Variants in RUNX2 observed in about 807,000 individuals in gnomAD.
RUNX2 encodes the protein RUNX family transcription factor 2.
A neutral mutation model predicts 51.7 loss-of-function variants in RUNX2; 10 were observed. That is an observed-to-expected ratio of 0.19 (90% CI 0.12 to 0.33). The LOEUF is 0.33. RUNX2 is among the 10% of genes least tolerant of loss of function. The pLI, the probability that RUNX2 is intolerant of heterozygous loss-of-function variation, is 1.00. For missense variants in RUNX2, 562 were observed against 691.3 expected (o/e 0.81, Z 2.10); for synonymous variants, 276 against 273.6 (o/e 1.01, Z -0.09).
At chr6:45,469,278 G>A (rs1430508545) in intron 5 of RUNX2, among the ~76,000 whole-genome samples, 2 of 152,222 alleles carry the variant, frequency 1.3e-5, no homozygotes, top group Non-Finnish European at 2.9e-5. Flanking sequence ...CTTGCACATA[G>A]TAGGTGCCCA....
At chr6:45,429,789 A>T (rs947002522) in intron 3 of RUNX2, among the ~76,000 whole-genome samples, 2 of 151,962 alleles carry the variant, frequency 1.3e-5, no homozygotes, top group Non-Finnish European at 2.9e-5. Flanking sequence ...GAGCTCTTTC[A>T]TTTATTTCAA....
At chr6:45,489,348 C>T (rs1030096000) in intron 5 of RUNX2, among the ~76,000 whole-genome samples, 1 of 152,004 alleles carries the variant, frequency 6.6e-6, no homozygotes, top group Non-Finnish European at 1.5e-5. Flanking sequence ...TTTATTTTTG[C>T]CTGCAAACTC....
chr6:45,423,009 C>T, intron 3 of RUNX2, 52 bp downstream of exon 3: 2 of 1,589,670 alleles, frequency 1.3e-6, no homozygotes, highest in Non-Finnish European at 1.7e-6. Flanking sequence ...GGAACCTGCC[C>T]GCCGGTGTCT....
At chr6:45,482,774 A>G (rs1369868913) in intron 5 of RUNX2, among the ~76,000 whole-genome samples, 1 of 152,164 alleles carries the variant, frequency 6.6e-6, no homozygotes, top group East Asian at 1.9e-4. Context: ...TGAGTAGATT[A>G]TATTTTTCTT....
chr6:45,444,372 G>C, intron 5 of RUNX2, among the ~76,000 whole-genome samples: 1 of 152,206 alleles, frequency 6.6e-6, no homozygotes. Context: ...CCAGCCACCT[G>C]TCTCAACCTG....
chr6:45,524,644 C>T (rs567060321), intron 7 of RUNX2, among the ~76,000 whole-genome samples: 2 of 151,980 alleles, frequency 1.3e-5, no homozygotes, highest in East Asian at 1.9e-4. Context: ...ACAATAAATC[C>T]GTACATAATT....
At chr6:45,394,130 C>T (rs1003307540) in intron 2 of RUNX2, among the ~76,000 whole-genome samples, 1 of 151,756 alleles carries the variant, frequency 6.6e-6, no homozygotes, top group Non-Finnish European at 1.5e-5. Context: ...TCAGGCTGGT[C>T]GTGATCCGCC....
intron 7 of RUNX2, among the ~76,000 whole-genome samples, chr6:45,521,565 G>C (rs1801509472): frequency 6.6e-6 from 1 of 152,160 alleles, no homozygotes; most frequent in Non-Finnish European, 1.5e-5. Context: ...TCTTTTCTGA[G>C]AAAATGATAG....
chr6:45,425,872 A>G (rs1213707773), intron 3 of RUNX2, among the ~76,000 whole-genome samples: 3 of 150,772 alleles, frequency 2.0e-5, no homozygotes, highest in African/African-American at 7.3e-5. Flanking sequence ...GCAGATAGGT[A>G]AATGGATTTA....
At chr6:45,360,339 T>G (rs1794037576) in intron 2 of RUNX2, among the ~76,000 whole-genome samples, 1 of 152,174 alleles carries the variant, frequency 6.6e-6, no homozygotes, top group African/African-American at 2.4e-5. Flanking sequence ...CACAGCATGT[T>G]CTATACAAGC....
intron 5 of RUNX2, among the ~76,000 whole-genome samples, chr6:45,439,131 G>T (rs560747404): frequency 1.3e-3 from 203 of 152,268 alleles, no homozygotes; most frequent in African/African-American, 4.4e-3. Flanking sequence ...GGTGGGTCCC[G>T]TCCCTTTTGC....
At chr6:45,397,294 A>T (rs1215970493) in intron 2 of RUNX2, among the ~76,000 whole-genome samples, 1 of 151,612 alleles carries the variant, frequency 6.6e-6, no homozygotes, top group South Asian at 2.1e-4. Context: ...TTTTTTTAGT[A>T]GAGATGGGGT....
rs544821170 is a variant in RUNX2 at position 45,390,965 on chromosome 6, A to G, written c.59-31628A>G. Among the ~76,000 whole-genome samples, 4 of 152,258 alleles carry G rather than the reference A, an allele frequency of 2.6e-5. No homozygotes were observed. The South Asian group carries it at 8.3e-4, about 32-fold the overall frequency. On this transcript the variant is annotated intron_variant, in intron 2 of 8. Transcript: ENST00000647337. ...TTTAGACTCTCTTCCCTCTGATCAA[A>G]TCTCTCTCAAATTTTATTTATTTAC... is the stretch of plus-strand genomic sequence containing the variant.
intron 7 of RUNX2, among the ~76,000 whole-genome samples, chr6:45,543,732 T>C (rs2150450503): frequency 6.6e-6 from 1 of 152,178 alleles, no homozygotes; most frequent in East Asian, 1.9e-4. Flanking sequence ...GGATACAATG[T>C]CAAAATAGCC....
intron 5 of RUNX2, among the ~76,000 whole-genome samples, chr6:45,474,382 T>C (rs1231785654): frequency 1.3e-5 from 1 of 75,180 alleles, no homozygotes; most frequent in Non-Finnish European, 3.4e-5. Context: ...TATGTGTGTG[T>C]GTGTGTGTGT....
intron 6 of RUNX2, among the ~76,000 whole-genome samples, chr6:45,494,632 TG>T (rs1800586615): frequency 6.6e-6 from 1 of 152,212 alleles, no homozygotes; most frequent in South Asian, 2.1e-4. Flanking sequence ...TTTCTTTAAA[TG>T]TTCCCATATT....
intron 2 of RUNX2, among the ~76,000 whole-genome samples, chr6:45,388,060 C>T (rs570647892): frequency 1.3e-4 from 20 of 152,126 alleles, no homozygotes; most frequent in Non-Finnish European, 2.2e-4. Context: ...TACAGGCTTT[C>T]GAGAAGAAGC....
chr6:45,498,960 T>C (rs1800724874), intron 6 of RUNX2, among the ~76,000 whole-genome samples: 1 of 152,166 alleles, frequency 6.6e-6, no homozygotes, highest in Non-Finnish European at 1.5e-5. Context: ...CCTGGGGTGA[T>C]GTTGGCTGTG....
chr6:45,492,994 C>A (rs1051287191), intron 6 of RUNX2, among the ~76,000 whole-genome samples: 7 of 152,146 alleles, frequency 4.6e-5, no homozygotes, highest in Non-Finnish European at 1.0e-4. Context: ...AATAAGCCCT[C>A]AACATGGATC....
Sources: allele counts gnomAD v4.1 joint callset (sites outside exome capture counted in the v4.1 genomes callset), GRCh38; gene constraint gnomAD v4.1.1; transcripts MANE v1.5; gene names NCBI Gene and HGNC (gene_info 2026-07-23, HGNC 2026-07-21).